The following SMCO2 variants were observed in gnomAD, a reference collection of about 807,000 sequenced individuals.
SMCO2 encodes single-pass membrane and coiled-coil domain-containing protein 2.
In SMCO2, 25 loss-of-function variants were observed where a neutral mutation model predicts 29.5. That is an observed-to-expected ratio of 0.85 (90% CI 0.62 to 1.18). SMCO2 has a LOEUF of 1.18. Among genes scored for constraint, SMCO2 ranks in the 50% most tolerant of loss-of-function variants. The probability of loss-of-function intolerance (pLI) is 0.00; values close to 1 mark genes in which losing one functional copy is unlikely to be tolerated. For missense variants in SMCO2, 348 were observed against 344.5 expected, an observed-to-expected ratio of 1.01 and a Z score of -0.08; for synonymous variants, 117 against 123.3, an observed-to-expected ratio of 0.95 and a Z score of 0.34.
At chr12:27,483,711 C>T (rs1413529581) in intron 4 of SMCO2, among the ~76,000 whole-genome samples, 3 of 152,054 alleles carry the variant, frequency 2.0e-5, no homozygotes, top group Admixed American at 6.5e-5. Flanking sequence ...AGGCGTGAAC[C>T]GTTATGCCCA....
intron 4 of SMCO2, among the ~76,000 whole-genome samples, chr12:27,478,237 C>A (rs1185817806): frequency 6.6e-6 from 1 of 152,148 alleles, no homozygotes; most frequent in East Asian, 1.9e-4. Flanking sequence ...TTTGTGGAGG[C>A]TGTGGCAAAC....
intron 4 of SMCO2, 67 bp downstream of exon 4, chr12:27,474,980 G>C (rs1397581385): frequency 6.6e-7 from 1 of 1,506,336 alleles, no homozygotes; most frequent in African/African-American, 1.4e-5. Flanking sequence ...AATTTAAGCA[G>C]ATAACTTAGG....
chr12:27,439,495 G>A, the SMCO2 span, among the ~76,000 whole-genome samples: 16 of 152,094 alleles, frequency 1.1e-4, no homozygotes, highest in East Asian at 7.7e-4. Flanking sequence ...AAAAGACAAA[G>A]CAAAAATCCA....
At chr12:27,424,780 A>C in the SMCO2 span, 1 of 152,214 alleles carries the variant, frequency 6.6e-6, no homozygotes, top group Non-Finnish European at 1.5e-5. Context: ...AGAAGCCATA[A>C]AGAAAAGCTG....
chr12:27,492,065 AT>A (rs1191642672), intron 5 of SMCO2, among the ~76,000 whole-genome samples: 1 of 152,180 alleles, frequency 6.6e-6, no homozygotes, highest in Non-Finnish European at 1.5e-5. Context: ...AAAATGAAAA[AT>A]ATCCTCCTCC....
the SMCO2 span, among the ~76,000 whole-genome samples, chr12:27,453,615 C>T: frequency 4.6e-5 from 7 of 152,226 alleles, no homozygotes; most frequent in Admixed American, 1.3e-4. Context: ...GAATGTTGGC[C>T]GATATGGTTG....
chr12:27,454,531 AACAC>A, the SMCO2 span, among the ~76,000 whole-genome samples: 1 of 152,140 alleles, frequency 6.6e-6, no homozygotes. Flanking sequence ...TGTGGTATTA[AACAC>A]ATTGCTTAAT....
chr12:27,458,690 A>C, the SMCO2 span, among the ~76,000 whole-genome samples: 4 of 151,862 alleles, frequency 2.6e-5, no homozygotes, highest in East Asian at 7.8e-4. Context: ...GTTCGAGACC[A>C]GCCTGGCCAG....
intron 4 of SMCO2, among the ~76,000 whole-genome samples, chr12:27,482,009 C>CT (rs3051857): frequency 3.6e-4 from 52 of 142,850 alleles, no homozygotes; most frequent in Middle Eastern, 3.6e-3. Context: ...TTTGATTCTG[C>CT]TTTTTTTTTT....
intron 4 of SMCO2, chr12:27,475,696 T>TAA (rs1555173912): frequency 6.5e-7 from 1 of 1,548,842 alleles, no homozygotes. Context: ...ACAATATTAT[T>TAA]AAAAAAATAA....
the SMCO2 span, among the ~76,000 whole-genome samples, chr12:27,431,854 G>A: frequency 3.9e-5 from 6 of 151,994 alleles, no homozygotes; most frequent in African/African-American, 1.2e-4. Context: ...CGTAGTGGTT[G>A]TACCATTTTA....
chr12:27,441,792 T>C, the SMCO2 span, among the ~76,000 whole-genome samples: 2 of 152,158 alleles, frequency 1.3e-5, no homozygotes, highest in African/African-American at 2.4e-5. Context: ...CATCAGCACA[T>C]GGAATATTTT....
exon 8 of SMCO2, chr12:27,501,948 A>G: frequency 6.5e-7 from 1 of 1,540,874 alleles, no homozygotes; most frequent in African/African-American, 1.4e-5. Flanking sequence ...GATTTTCATC[A>G]TGTTTGATGT....
rs1256619418 is a variant in SMCO2 at position 27,496,782 on chromosome 12, C to T, written c.683+927C>T. On this transcript the variant is annotated intron_variant, in intron 7 of 7. Transcript: ENST00000298876. ...TGAGTTGTAAAAGTTTATGTGCACA[C>T]CTTGCACATAATCCTGTCGGACAGC... Among the ~76,000 whole-genome samples, 2 of 150,770 alleles carry T rather than the reference C, an allele frequency of 1.3e-5. 1 individual carries two copies. The highest frequency in any genetic ancestry group is 4.2e-4 in the South Asian group (2 of 4,770).
chr12:27,475,564 A>G lies in SMCO2; in HGVS notation c.362+651A>G. On this transcript the variant is annotated intron_variant, in intron 4 of 7. Coordinates refer to ENST00000298876, the Ensembl canonical transcript of SMCO2. ...CCCATTTTCTGCTTTGAAAATGATC[A>G]CCATAATATTTCCGCAGGTGTCTGA... The G allele has an allele frequency of 6.7e-7, 1 of 1,500,072 alleles. No homozygotes were observed. Among genetic ancestry groups the G allele is most frequent in the South Asian group, 1.3e-5 (1 of 74,846 alleles). The allele number at this position is 1,500,072 out of a possible 1,614,324, so 92.9% of individuals were successfully genotyped here.
At chr12:27,447,367 C>T in the SMCO2 span, among the ~76,000 whole-genome samples, 1 of 152,164 alleles carries the variant, frequency 6.6e-6, no homozygotes, top group Non-Finnish European at 1.5e-5. Context: ...ACCGACACAC[C>T]TCTCTACCTG....
chr12:27,470,324 A>G (rs1949530359), intron 1 of SMCO2, among the ~76,000 whole-genome samples: 1 of 152,148 alleles, frequency 6.6e-6, no homozygotes. Flanking sequence ...GAAAGTTCCC[A>G]TTCTTCCAGG....
the SMCO2 span, among the ~76,000 whole-genome samples, chr12:27,447,963 C>T: frequency 1.3e-5 from 2 of 152,204 alleles, no homozygotes; most frequent in Non-Finnish European, 2.9e-5. Flanking sequence ...ACACATTGCA[C>T]CTGACCAGAG....
chr12:27,438,698 A>G, the SMCO2 span, among the ~76,000 whole-genome samples: 1 of 152,180 alleles, frequency 6.6e-6, no homozygotes, highest in African/African-American at 2.4e-5. Context: ...TTTAGCAAAT[A>G]CAGGAGATTG....
Sources: gnomAD v4.1 joint callset for allele counts (sites outside exome capture counted in the v4.1 genomes callset) on GRCh38, gnomAD v4.1.1 for gene constraint, MANE v1.5 for transcripts, NCBI Gene and HGNC (gene_info 2026-07-23, HGNC 2026-07-21) for gene names.